The following PCNX4 variants were observed in gnomAD, a reference collection of about 807,000 sequenced individuals.
PCNX4 encodes pecanex-like protein 4.
Under a neutral mutation model 107.2 loss-of-function variants are expected in PCNX4, and 103 were observed. That is an observed-to-expected ratio of 0.96 (90% CI 0.82 to 1.13). PCNX4 has a LOEUF of 1.13. Among genes scored for constraint, PCNX4 ranks in the 50% most tolerant of loss-of-function variants. The pLI is 0.00. For synonymous variants in PCNX4, 541 were observed against 481.7 expected (o/e 1.12, Z -1.61); for missense variants, 1,528 against 1,379.4 (o/e 1.11, Z -1.71).
rs201140330 is a variant in PCNX4, at chr14:60,116,058, C to T, written c.1576C>T (p.Leu526=). ...CCTGGATACAGGACTCAGACTCTTA[C>T]TGGTAAGTGTGTCTTTTAACAGCTT... ...RSLDTGLRLL[L]VGIIRDRLIQ... Residue 526 remains leucine (L), a splice_region_variant and synonymous_variant, in exon 6 of 11, where the codon CTG becomes TTG. Coordinates refer to ENST00000406854, the MANE Select transcript of PCNX4 (RefSeq NM_001330177.2). 24 of 1,599,784 alleles carry T rather than the reference C, an allele frequency of 1.5e-5. No homozygotes were observed. The highest frequency in any genetic ancestry group is 4.5e-5 in the East Asian group (2 of 44,776).
rs552974790 is a variant in PCNX4 at position 60,147,751 on chromosome 14, A to T, written c.*13530A>T. On this transcript the variant is annotated 3_prime_UTR_variant, in exon 11 of 11. Coordinates refer to ENST00000406854, the MANE Select transcript of PCNX4 (RefSeq NM_001330177.2). ...GGGGAGACTGAGTGATAGAGAAGTA[A>T]CTTGCTTTAAGGGCATGGGGCAGAG... is the stretch of plus-strand genomic sequence containing the variant. 33 of 152,298 alleles carry T rather than the reference A, an allele frequency of 2.2e-4. No individual in the cohort carries two copies. The highest frequency in any genetic ancestry group is 7.9e-4 in the African/African-American group (33 of 41,546). 9.4% of individuals were successfully genotyped at this position (152,298 alleles called of 1,614,324 possible).
chr14:60,129,161 AC>A (rs1197346997), intron 10 of PCNX4, among the ~76,000 whole-genome samples: 2 of 151,206 alleles, frequency 1.3e-5, no homozygotes, highest in East Asian at 3.9e-4. Context: ...AATCGCTTGA[AC>A]CCAGAAGGTG....
chr14:60,114,684 C>CTT lies in PCNX4; in HGVS notation c.690-8_690-7dup. 6.4e-7 allele frequency: 1 copy of CTT among 1,566,602 alleles called. No individual in the cohort carries two copies. The highest frequency in any genetic ancestry group is 1.2e-5 in the South Asian group (1 of 86,712). ...ATATATTTCGTGTGATTTAAATGTT[C>CTT]TTTTTTTTTATATAGGTTTGTGGTA... is the stretch of plus-strand genomic sequence containing the variant. On this transcript the variant is annotated splice_polypyrimidine_tract_variant and intron_variant, in intron 2 of 10. Coordinates refer to ENST00000406854, the MANE Select transcript of PCNX4 (RefSeq NM_001330177.2).
At position 60,098,526 on chromosome 14, in the gene PCNX4, T is replaced by C. The variant is rs558460431; in HGVS notation, c.-54+6107T>C. Reference sequence around the variant, plus strand: ...TAGATCCAAAGAGATGTTAACGTGCTTGTTCCTTTTCAGTCTTTCTTTTCT... The same window carrying C: ...TAGATCCAAAGAGATGTTAACGTGCCTGTTCCTTTTCAGTCTTTCTTTTCT... On this transcript the variant is annotated intron_variant, in intron 1 of 10. Coordinates refer to ENST00000406854, the MANE Select transcript of PCNX4 (RefSeq NM_001330177.2). Among the ~76,000 whole-genome samples the C allele has an allele frequency of 8.4e-4, 128 of 152,360 alleles. 1 individual carries two copies. The highest frequency in any genetic ancestry group is 3.0e-3 in the African/African-American group (125 of 41,580).
At chr14:60,125,590 G>C (rs1262785071) in intron 9 of PCNX4, 47 bp from the exon 10 acceptor site, 1 of 1,283,446 alleles carries the variant, frequency 7.8e-7, no homozygotes, top group Non-Finnish European at 1.0e-6. Context: ...GATCTTTAAA[G>C]TTGACAGCAA....
Position 60,138,974 on chromosome 14 carries a change from C to A in PCNX4, c.*4753C>A, listed in dbSNP as rs1232852945. ...TGCTGTGTCATCTATAGGGTAACCA[C>A]TAAAAGAACAGCAAAAAGCAAAATA... On this transcript the variant is annotated 3_prime_UTR_variant, in exon 11 of 11. Coordinates refer to ENST00000406854, the MANE Select transcript of PCNX4 (RefSeq NM_001330177.2). The A allele has an allele frequency of 6.9e-6, 1 of 145,566 alleles. No homozygotes were observed. The highest frequency in any genetic ancestry group is 2.0e-4 in the East Asian group (1 of 4,992). The allele number at this position is 145,566 out of a possible 1,614,324, so 9.0% of individuals were successfully genotyped here.
intron 10 of PCNX4, among the ~76,000 whole-genome samples, chr14:60,127,456 A>G (rs994283070): frequency 1.3e-5 from 2 of 152,326 alleles, no homozygotes; most frequent in East Asian, 3.9e-4. Context: ...AACAGACAAG[A>G]TAGCCGTGCC....
At chr14:60,123,039 G>A (rs952391748) in intron 8 of PCNX4, among the ~76,000 whole-genome samples, 12 of 152,042 alleles carry the variant, frequency 7.9e-5, no homozygotes, top group Admixed American at 5.2e-4. Context: ...TTCAAACAGC[G>A]CTCCGAGTGA....
intron 10 of PCNX4, among the ~76,000 whole-genome samples, chr14:60,130,029 A>C (rs1179811953): frequency 6.6e-6 from 1 of 152,176 alleles, no homozygotes; most frequent in East Asian, 1.9e-4. Context: ...AATGGATTAA[A>C]TAATCCAAAT....
At chr14:60,123,151 A>T (rs1224310298) in intron 8 of PCNX4, among the ~76,000 whole-genome samples, 1 of 152,180 alleles carries the variant, frequency 6.6e-6, no homozygotes, top group Non-Finnish European at 1.5e-5. Flanking sequence ...TATTCTATTT[A>T]AAAATGATAT....
chr14:60,126,228 G>A (rs1896053253), intron 10 of PCNX4: 1 of 152,854 alleles, frequency 6.5e-6, no homozygotes, highest in Non-Finnish European at 1.5e-5. Context: ...ATACTGTATT[G>A]AAGCAAACCT....
rs398025292 is a variant in PCNX4 at position 60,094,770 on chromosome 14, C to CA, written c.-54+2352dup. Among the ~76,000 whole-genome samples, 36 of 124,826 alleles carry CA rather than the reference C, an allele frequency of 2.9e-4. 1 individual carries two copies. The highest frequency in any genetic ancestry group is 8.8e-4 in the East Asian group (3 of 3,424). The allele number at this position is 124,826 out of a possible 152,430, so 81.9% of individuals were successfully genotyped here. On this transcript the variant is annotated intron_variant, in intron 1 of 10. Coordinates refer to ENST00000406854, the MANE Select transcript of PCNX4 (RefSeq NM_001330177.2). ...CTTGTGTTGCTGTAGAGCCCCCCCC[C>CA]ACCCCCATCTTTCTTTAACTCCCAC...
chr14:60,094,049 A>AT (rs1051197650), intron 1 of PCNX4, among the ~76,000 whole-genome samples: 4 of 152,132 alleles, frequency 2.6e-5, no homozygotes, highest in African/African-American at 9.7e-5. Context: ...AGATTGGATT[A>AT]TTTGATTTCT....
rs568074215 is a variant in PCNX4 at position 60,124,805 on chromosome 14, A to T, written c.2634A>T (p.Ala878=). 1 of 1,613,726 alleles carries T rather than the reference A, an allele frequency of 6.2e-7. No homozygotes were observed. The highest frequency in any genetic ancestry group is 8.5e-7 in the Non-Finnish European group (1 of 1,179,794). ...TTCCTGAAAACGATCTTTACAAAGC[A>T]GTTCTATTAGGATACCCTGCTGTTG... The part of the protein sequence containing the change: ...GTVPENDLYK[A]VLLGYPAVDK... The change falls in exon 9 of 11, where the codon GCA becomes GCT. Residue 878 remains alanine, a synonymous_variant. Coordinates refer to ENST00000406854, the MANE Select transcript of PCNX4 (RefSeq NM_001330177.2).
In PCNX4 at chr14:60,114,845, G is replaced by A. The variant is rs376031989; in HGVS notation, c.835G>A (p.Gly279Ser). ...GGCAATGGAGCAGGTTTTAGAGTTC[G>A]GCCTTGGAGGCTCATCTATGTCAAC... Reference protein sequence around the residue: ...LWAMEQVLEFGLGGSSMSTHL... With the variant: ...LWAMEQVLEFSLGGSSMSTHL... The change falls in exon 3 of 11, where the codon GGC becomes AGC. Residue 279 changes from glycine (G) to serine (S), a missense_variant. Gly to Ser is a moderately conservative substitution (Grantham distance 56). Transcript: ENST00000406854. 1.5e-5 allele frequency: 25 copies of A among 1,612,972 alleles called. No individual in the cohort carries two copies. The highest frequency in any genetic ancestry group is 1.6e-4 in the Middle Eastern group (1 of 6,080).
At chr14:60,102,230 A>G (rs1237131429) in intron 1 of PCNX4, among the ~76,000 whole-genome samples, 2 of 152,220 alleles carry the variant, frequency 1.3e-5, no homozygotes, top group African/African-American at 4.8e-5. Context: ...TGTTCCTACC[A>G]CAATGAAAAA....
intron 10 of PCNX4, among the ~76,000 whole-genome samples, chr14:60,128,075 A>C (rs1236520218): frequency 6.6e-6 from 1 of 152,206 alleles, no homozygotes; most frequent in Non-Finnish European, 1.5e-5. Context: ...AATGAATAAA[A>C]AGGAAGAGAG....
rs1896435646 is a variant in PCNX4 at position 60,147,425 on chromosome 14, A to G, written c.*13204A>G. 1 of 152,224 alleles carries G rather than the reference A, an allele frequency of 6.6e-6. No homozygotes were observed. The highest frequency in any genetic ancestry group is 2.4e-5 in the African/African-American group (1 of 41,454). The allele number at this position is 152,224 out of a possible 1,614,324, so 9.4% of individuals were successfully genotyped here. A position where few individuals can be genotyped will look rare whatever the true frequency, so the allele number is the denominator to read the frequency against. On this transcript the variant is annotated 3_prime_UTR_variant, in exon 11 of 11. Transcript: ENST00000406854. ...AAAAAAAGGTAACTGGGTGACATGT[A>G]TTAATTAGCTTGATTGTGGTAATCA...
intron 1 of PCNX4, among the ~76,000 whole-genome samples, chr14:60,098,557 T>C (rs929418026): frequency 3.9e-5 from 6 of 152,246 alleles, no homozygotes; most frequent in Non-Finnish European, 7.3e-5. Flanking sequence ...TTTCTAGTAC[T>C]TGGGTAGACT....
Sources: allele counts gnomAD v4.1 joint callset (sites outside exome capture counted in the v4.1 genomes callset), GRCh38; gene constraint gnomAD v4.1.1; transcripts MANE v1.5; gene names NCBI Gene and HGNC (gene_info 2026-07-23, HGNC 2026-07-21).